Variants in CCAR1 observed in about 807,000 individuals in gnomAD.
The protein encoded by CCAR1 is cell division cycle and apoptosis regulator 1, also known as cell division cycle and apoptosis regulator protein 1.
Under a neutral mutation model 163.8 loss-of-function variants are expected in CCAR1, and 78 were observed. The ratio of observed to expected loss-of-function variants is 0.48; its 90% CI spans 0.40 to 0.57. The LOEUF (loss-of-function observed/expected upper bound fraction) is 0.57. CCAR1 is among the 20% of genes least tolerant of loss of function. The probability of loss-of-function intolerance (pLI) is 0.00; values close to 1 mark genes in which losing one functional copy is unlikely to be tolerated. For missense variants in CCAR1, 1,019 were observed against 1,365.2 expected, an observed-to-expected ratio of 0.75 and a Z score of 4.00; for synonymous variants, 443 against 460.7, an observed-to-expected ratio of 0.96 and a Z score of 0.49.
chr10:68,767,490 A>G lies in CCAR1; in HGVS notation c.2298+1411A>G, dbSNP rs1156343088. On this transcript the variant is annotated intron_variant, in intron 17 of 24. Coordinates refer to ENST00000265872, the MANE Select transcript of CCAR1 (RefSeq NM_018237.4). ...CAAACTCCTGACCTCAAGTGATCCA[A>G]CTGCCTCAGCTTCTCAAATTGCTGA... 3.3e-5 allele frequency among the ~76,000 whole-genome samples: 5 copies of G among 151,990 alleles called. No homozygotes were observed. In the South Asian group the frequency reaches 8.3e-4, roughly 25 times the overall value.
In CCAR1 at chr10:68,756,204, C is replaced by A; in HGVS notation, c.1626-69C>A. The stretch of plus-strand genomic sequence containing the variant: ...CAAAATTTCTTTACTTGATGTGCTA[C>A]AAGTGAACTAGGGTCTTTAAAATGT... On this transcript the variant is annotated intron_variant, in intron 13 of 24. Transcript: ENST00000265872. This position sits in a 1 kb window ranked among gnomAD's most constrained non-coding sequence, Gnocchi z 5.1. The A allele has an allele frequency of 7.8e-7, 1 of 1,275,808 alleles. No individual in the cohort carries two copies. Among genetic ancestry groups the A allele is most frequent in the Non-Finnish European group, 1.1e-6 (1 of 900,624 alleles). 79.0% of individuals were successfully genotyped at this position (1,275,808 alleles called of 1,614,324 possible). A position where few individuals can be genotyped will look rare whatever the true frequency, so the allele number is the denominator to read the frequency against.
At chr10:68,787,136 TTCTCCC>T (rs1444638588) in intron 21 of CCAR1, 1 of 154,786 alleles carries the variant, frequency 6.5e-6, no homozygotes, top group Non-Finnish European at 1.4e-5. Context: ...AACACTTCCC[TTCTCCC>T]TCTCCCTCTG....
chr10:68,740,013 C>T (rs1299091509), intron 4 of CCAR1, among the ~76,000 whole-genome samples: 1 of 152,144 alleles, frequency 6.6e-6, no homozygotes, highest in African/African-American at 2.4e-5. Flanking sequence ...AGTATGTGGT[C>T]CTTCATGGTC....
intron 24 of CCAR1, among the ~76,000 whole-genome samples, chr10:68,790,225 C>T (rs1026054046): frequency 4.6e-5 from 7 of 151,932 alleles, no homozygotes; most frequent in African/African-American, 9.7e-5. Context: ...GACATGGTGG[C>T]GGGCACCTGT....
At chr10:68,763,765 GT>G (rs1564544302) in intron 16 of CCAR1, among the ~76,000 whole-genome samples, 1 of 152,108 alleles carries the variant, frequency 6.6e-6, no homozygotes, top group African/African-American at 2.4e-5. Flanking sequence ...AGTTATTTTC[GT>G]GATGAAATTG....
At chr10:68,729,568 T>C (rs2056004369) in intron 2 of CCAR1, among the ~76,000 whole-genome samples, 1 of 151,826 alleles carries the variant, frequency 6.6e-6, no homozygotes, top group South Asian at 2.1e-4. Flanking sequence ...CGCGCCCGGC[T>C]CTTGGTGACT....
Position 68,786,197 on chromosome 10 carries a change from G to A in CCAR1, c.2712G>A (p.Lys904=), listed in dbSNP as rs1430170464. Residue 904 remains lysine (K), a synonymous_variant, in exon 20 of 25, where the codon AAG becomes AAA. Coordinates refer to ENST00000265872, the MANE Select transcript of CCAR1 (RefSeq NM_018237.4). ...AAAGAGATATCAACAGATACTGCAAGGAGAGGCCCTCTAAAGATAAGGTGT... is the reference window on the plus strand; with the variant it reads ...AAAGAGATATCAACAGATACTGCAAAGAGAGGCCCTCTAAAGATAAGGTGT... ...DDKRDINRYC[K]ERPSKDKEKE... 1 of 1,608,926 alleles carries A rather than the reference G, an allele frequency of 6.2e-7. No individual in the cohort carries two copies. Among genetic ancestry groups the A allele is most frequent in the Non-Finnish European group, 8.5e-7 (1 of 1,175,974 alleles).
intron 4 of CCAR1, among the ~76,000 whole-genome samples, chr10:68,739,510 A>G (rs979856659): frequency 1.3e-5 from 2 of 152,068 alleles, no homozygotes; most frequent in Non-Finnish European, 2.9e-5. Flanking sequence ...CCCTAGATCC[A>G]TGGCCCAGTT....
rs1295744876 is a variant in CCAR1 at position 68,749,154 on chromosome 10, C to A, written c.845C>A (p.Pro282His). ...TTTAAAGCTGGTTTATTGCAGCCTCCTGTTCGTATAGTTTCACAGCCACAA... is the reference window on the plus strand; with the variant it reads ...TTTAAAGCTGGTTTATTGCAGCCTCATGTTCGTATAGTTTCACAGCCACAA... The part of the protein sequence containing the change: ...PQQKAGLLQP[P>H]VRIVSQPQPA... Residue 282 changes from proline (P) to histidine (H), a missense_variant, in exon 9 of 25, where the codon CCT becomes CAT. By Grantham distance (77) the Pro-to-His change is moderately conservative (BLOSUM62 -2). Transcript: ENST00000265872. 1 of 1,613,946 alleles carries A rather than the reference C, an allele frequency of 6.2e-7. No homozygotes were observed. Among genetic ancestry groups the A allele is most frequent in the East Asian group, 2.2e-5 (1 of 44,860 alleles).
At chr10:68,731,936 A>G (rs2056045170) in intron 2 of CCAR1, among the ~76,000 whole-genome samples, 1 of 152,192 alleles carries the variant, frequency 6.6e-6, no homozygotes, top group South Asian at 2.1e-4. Flanking sequence ...TCAGGTGTAG[A>G]AAAGAGAAGT....
intron 16 of CCAR1, 31 bp from the exon 17 acceptor site, chr10:68,765,857 T>C (rs1406698868): frequency 6.5e-7 from 1 of 1,544,296 alleles, no homozygotes; most frequent in Non-Finnish European, 8.9e-7. Flanking sequence ...ACTTGCAGAT[T>C]TAACCTTGAC....
intron 2 of CCAR1, among the ~76,000 whole-genome samples, chr10:68,726,755 T>C (rs1258086408): frequency 6.6e-6 from 1 of 151,884 alleles, no homozygotes; most frequent in Non-Finnish European, 1.5e-5. Context: ...CCCAGCACTT[T>C]GGGAGGCCAA....
chr10:68,726,852 C>T (rs1260255815), intron 2 of CCAR1, among the ~76,000 whole-genome samples: 2 of 151,372 alleles, frequency 1.3e-5, no homozygotes, highest in African/African-American at 4.8e-5. Context: ...AAAAATTAGC[C>T]GGACATAGTG....
rs10527624 is a variant in CCAR1, at chr10:68,769,940, CAAAAAAAA to C, written c.2299-1251_2299-1244del. 5.9e-3 allele frequency among the ~76,000 whole-genome samples: 413 copies of C among 69,986 alleles called. 3 individuals are homozygous for C. The highest frequency in any genetic ancestry group is 0.019 in the African/African-American group (378 of 19,632). 45.9% of individuals were successfully genotyped at this position (69,986 alleles called of 152,430 possible). On this transcript the variant is annotated intron_variant, in intron 17 of 24. Coordinates refer to ENST00000265872, the MANE Select transcript of CCAR1 (RefSeq NM_018237.4). Reference sequence around the variant, plus strand: ...TTGGTGACAGAGCAAGACTCTGTCTCAAAAAAAAAAAAAAAAAAAAAATTATATAGTTT... The same window carrying C: ...TTGGTGACAGAGCAAGACTCTGTCTCAAAAAAAAAAAAAATTATATAGTTT...
At chr10:68,737,685 A>T (rs1163492763) in intron 3 of CCAR1, among the ~76,000 whole-genome samples, 160 bp from the exon 4 acceptor site, 7 of 151,720 alleles carry the variant, frequency 4.6e-5, no homozygotes, top group South Asian at 2.1e-4. Context: ...TATTATTATT[A>T]TTTTTATTTT....
Position 68,747,465 on chromosome 10 carries a change from C to T in CCAR1, c.725C>T (p.Pro242Leu). 5 of 1,613,974 alleles carry T rather than the reference C, an allele frequency of 3.1e-6. No individual in the cohort carries two copies. Among genetic ancestry groups the T allele is most frequent in the Non-Finnish European group, 4.2e-6 (5 of 1,179,938 alleles). ...ACAACATTTGGTGTTCAGACTCAGC[C>T]CCAGCCCCAGTCACTGCTGCAGGCA... Reference protein sequence around the residue: ...PQTTFGVQTQPQPQSLLQAQI... With the variant: ...PQTTFGVQTQLQPQSLLQAQI... Residue 242 changes from proline (P) to leucine (L), a missense_variant, in exon 8 of 25, where the codon CCC becomes CTC. Pro to Leu is a moderately conservative substitution (Grantham distance 98). Around this residue, in one of 4 missense-constraint regions of CCAR1, gnomAD observed 644 missense variants for 904.4 expected, o/e 0.71. Coordinates refer to ENST00000265872, the MANE Select transcript of CCAR1 (RefSeq NM_018237.4).
intron 13 of CCAR1, among the ~76,000 whole-genome samples, chr10:68,755,795 A>C (rs2056391560): frequency 6.6e-6 from 1 of 152,244 alleles, no homozygotes; most frequent in Non-Finnish European, 1.5e-5. Flanking sequence ...ATGTATGTTG[A>C]AAATACTTTT....
chr10:68,754,640 A>G, intron 11 of CCAR1, 74 bp from the exon 12 acceptor site: 1 of 727,892 alleles, frequency 1.4e-6, no homozygotes, highest in Non-Finnish European at 2.4e-6. Context: ...ATATTTAAAG[A>G]TAATTAGTAG....
rs143242444 is a variant in CCAR1 at position 68,768,533 on chromosome 10, C to T, written c.2298+2454C>T. 3.0e-3 allele frequency among the ~76,000 whole-genome samples: 464 copies of T among 152,280 alleles called. 3 individuals carry two copies. The highest frequency in any genetic ancestry group is 0.01 in the African/African-American group (435 of 41,564). On this transcript the variant is annotated intron_variant, in intron 17 of 24. Transcript: ENST00000265872. Reference sequence around the variant, plus strand: ...CGCTGAGGCAGGAGGATCTCTTGAACGCAGCGGGCAGAGGTTGTCGTGAGC... The same window carrying T: ...CGCTGAGGCAGGAGGATCTCTTGAATGCAGCGGGCAGAGGTTGTCGTGAGC...
Sources: gnomAD v4.1 joint callset for allele counts (sites outside exome capture counted in the v4.1 genomes callset) on GRCh38, gnomAD v4.1.1 for gene constraint, gnomAD v4.1.1 regional missense constraint, Gnocchi (gnomAD v3.1) non-coding constraint, MANE v1.5 for transcripts, NCBI Gene and HGNC (gene_info 2026-07-23, HGNC 2026-07-21) for gene names.